The following PRKAR1B variants were observed in gnomAD, a reference collection of about 807,000 sequenced individuals.
PRKAR1B encodes cAMP-dependent protein kinase type I-beta regulatory subunit.
PRKAR1B carries 22 observed loss-of-function variants against 46.5 expected under a neutral mutation model. That is an observed-to-expected ratio of 0.47 (90% CI 0.34 to 0.68). PRKAR1B has a LOEUF of 0.68. Ranked by LOEUF, PRKAR1B falls within the 30% of genes least tolerant of loss-of-function variation. The pLI is 0.01. For missense variants in PRKAR1B, 445 were observed against 535.6 expected (o/e 0.83, Z 1.67); for synonymous variants, 259 against 217.7 (o/e 1.19, Z -1.67).
chr7:566,414 TTATCACCATCACCAC>T (rs1400187598), intron 9 of PRKAR1B, among the ~76,000 whole-genome samples: 55 of 148,964 alleles, frequency 3.7e-4, no homozygotes, highest in Admixed American at 3.6e-3. Context: ...TCCACCATCA[TTATCACCATCACCAC>T]CATCACCATC....
intron 6 of PRKAR1B, among the ~76,000 whole-genome samples, chr7:599,784 A>AGGGAATGTGTAATGT (rs1382343377): frequency 6.7e-6 from 1 of 149,360 alleles, no homozygotes; most frequent in African/African-American, 2.5e-5. Flanking sequence ...GCACATGGGC[A>AGGGAATGTGTAATGT]GGCCCCCCAT....
intron 4 of PRKAR1B, among the ~76,000 whole-genome samples, chr7:611,405 C>T (rs1046913959): frequency 2.6e-5 from 4 of 152,264 alleles, no homozygotes; most frequent in Non-Finnish European, 5.9e-5. Flanking sequence ...TGGGTCAGGG[C>T]TGGCCAGTGG....
intron 4 of PRKAR1B, among the ~76,000 whole-genome samples, chr7:654,335 C>G (rs961370108): frequency 7.2e-6 from 1 of 139,736 alleles, no homozygotes; most frequent in Admixed American, 7.2e-5. Context: ...CATCACTATC[C>G]TCATCACCAT....
intron 6 of PRKAR1B, among the ~76,000 whole-genome samples, chr7:600,422 T>G (rs1781523485): frequency 6.6e-6 from 1 of 151,566 alleles, no homozygotes; most frequent in Non-Finnish European, 1.5e-5. Flanking sequence ...AGCCCAGGAG[T>G]TCAAGGCTGC....
chr7:656,943 G>A (rs1025997858), intron 4 of PRKAR1B, among the ~76,000 whole-genome samples: 16 of 151,172 alleles, frequency 1.1e-4, no homozygotes, highest in African/African-American at 3.9e-4. Flanking sequence ...ATGAGTGAAC[G>A]AATGAATGGA....
chr7:683,096 C>A (rs567382814), intron 2 of PRKAR1B, among the ~76,000 whole-genome samples: 151 of 152,308 alleles, frequency 9.9e-4, no homozygotes, highest in Non-Finnish European at 1.8e-3. Context: ...TCAGGGGCAA[C>A]CAGGCCAAGT....
chr7:699,904 T>C (rs185581313), intron 2 of PRKAR1B, among the ~76,000 whole-genome samples: 216 of 152,072 alleles, frequency 1.4e-3, no homozygotes, highest in Middle Eastern at 3.4e-3. Context: ...GTGACTGATA[T>C]GGAAAATGGA....
chr7:713,239 A>T (rs1780751774), intron 1 of PRKAR1B: 1 of 152,182 alleles, frequency 6.6e-6, no homozygotes. Context: ...TCCAAATGCC[A>T]GGAGAGGGGT....
At chr7:595,918 G>A (rs1054958643) in intron 7 of PRKAR1B, among the ~76,000 whole-genome samples, 3 of 152,192 alleles carry the variant, frequency 2.0e-5, no homozygotes, top group African/African-American at 4.8e-5. Context: ...TCCAGACAGT[G>A]GGAAGGAGAA....
chr7:680,438 A>G lies in PRKAR1B; in HGVS notation c.348+118T>C, dbSNP rs994644063. 8.0e-5 allele frequency: 84 copies of G among 1,055,130 alleles called. 3 individuals carry two copies. The South Asian group carries it at 1.3e-3, about 17-fold the overall frequency. 65.4% of individuals were successfully genotyped at this position (1,055,130 alleles called of 1,614,324 possible). ...CACCCACATAGTCCTCCCTCCAACC[A>G]GGATGACACTGAGACCCCCAGGAGG... On this transcript the variant is annotated intron_variant, in intron 3 of 10. Transcript: ENST00000537384.
At chr7:557,822 G>A (rs770499578) in intron 9 of PRKAR1B, among the ~76,000 whole-genome samples, 2 of 152,034 alleles carry the variant, frequency 1.3e-5, no homozygotes, top group African/African-American at 2.4e-5. Context: ...TTTTTGGGCT[G>A]GAAAAACATG....
In PRKAR1B at chr7:625,842, G is replaced by A. The variant is rs562257556; in HGVS notation, c.441-18390C>T. On this transcript the variant is annotated intron_variant, in intron 4 of 10. Coordinates refer to ENST00000537384, the MANE Select transcript of PRKAR1B (RefSeq NM_001164760.2). The stretch of plus-strand genomic sequence containing the variant: ...CCAAGATGGTGAAACCCCATCTCTA[G>A]TAAAAAATACACAAAATTAGCTGGG... Among the ~76,000 whole-genome samples the A allele has an allele frequency of 5.3e-5, 8 of 152,050 alleles. No individual in the cohort carries two copies. The South Asian group carries it at 1.2e-3, about 24-fold the overall frequency.
intron 4 of PRKAR1B, among the ~76,000 whole-genome samples, chr7:639,839 A>G (rs73254228): frequency 0.16 from 24,424 of 151,910 alleles, 2,194 homozygotes; most frequent in South Asian, 0.3. Context: ...CCTGGGCAAC[A>G]GAGCAAGAAT....
intron 1 of PRKAR1B, among the ~76,000 whole-genome samples, chr7:718,103 C>T (rs1780942037): frequency 6.6e-6 from 1 of 152,016 alleles, no homozygotes; most frequent in Non-Finnish European, 1.5e-5. Flanking sequence ...CAACCAAGTG[C>T]ACTTGGGAAC....
chr7:654,837 C>T (rs990285351), intron 4 of PRKAR1B, among the ~76,000 whole-genome samples: 10 of 152,092 alleles, frequency 6.6e-5, no homozygotes, highest in African/African-American at 2.4e-4. Context: ...AACATCACCA[C>T]CATCATCACC....
At chr7:581,368 C>T (rs980169627) in intron 8 of PRKAR1B, among the ~76,000 whole-genome samples, 11 of 151,320 alleles carry the variant, frequency 7.3e-5, no homozygotes, top group Non-Finnish European at 1.5e-4. Flanking sequence ...AGAACCCAGG[C>T]GTGCTCCCAA....
chr7:704,829 T>C (rs1023059201), intron 2 of PRKAR1B, among the ~76,000 whole-genome samples: 1 of 152,078 alleles, frequency 6.6e-6, no homozygotes, highest in African/African-American at 2.4e-5. Flanking sequence ...AAATTAAATA[T>C]CTGACAGTTT....
intron 4 of PRKAR1B, among the ~76,000 whole-genome samples, chr7:638,018 C>G (rs1784213016): frequency 6.6e-6 from 1 of 152,144 alleles, no homozygotes; most frequent in Admixed American, 6.5e-5. Flanking sequence ...GCCCCGTGTT[C>G]TCATCCTGCC....
In PRKAR1B at chr7:714,185, G is replaced by A. The variant is rs192299166; in HGVS notation, c.-22-2658C>T. Reference sequence around the variant, plus strand: ...CCTAACCAAGGCGACGTCTCGCTTCGGGGGGCAGATGCTCCAGGCCTGGCT... The same window carrying A: ...CCTAACCAAGGCGACGTCTCGCTTCAGGGGGCAGATGCTCCAGGCCTGGCT... On this transcript the variant is annotated intron_variant, in intron 1 of 10. Coordinates refer to ENST00000537384, the MANE Select transcript of PRKAR1B (RefSeq NM_001164760.2). This position sits in a 1 kb window ranked among gnomAD's most constrained non-coding sequence, Gnocchi z 4.3. Among the ~76,000 whole-genome samples, 288 of 152,216 alleles carry A rather than the reference G, an allele frequency of 1.9e-3. No homozygotes were observed. Among genetic ancestry groups the A allele is most frequent in the African/African-American group, 6.4e-3 (266 of 41,538 alleles).
Sources: allele counts gnomAD v4.1 joint callset (sites outside exome capture counted in the v4.1 genomes callset), GRCh38; gene constraint gnomAD v4.1.1; non-coding constraint Gnocchi (gnomAD v3.1); transcripts MANE v1.5; gene names NCBI Gene and HGNC (gene_info 2026-07-23, HGNC 2026-07-21).